ZNF507: variants seen among roughly 807,000 people sequenced by gnomAD.
ZNF507 encodes the protein zinc finger protein 507.
ZNF507 carries 29 observed loss-of-function variants against 80.0 expected under a neutral mutation model. That is an observed-to-expected ratio of 0.36 (90% confidence interval 0.27 to 0.49). The LOEUF is 0.49. Ranked by LOEUF, ZNF507 falls within the 20% of genes least tolerant of loss-of-function variation. The pLI is 0.98. For synonymous variants in ZNF507, 462 were observed against 422.5 expected (o/e 1.09, Z -1.15); for missense variants, 1,081 against 1,152.2 (o/e 0.94, Z 0.90).
chr19:32,355,132 C>A (rs2232511), intron 3 of ZNF507, among the ~76,000 whole-genome samples, 175 bp downstream of exon 3: 1 of 152,140 alleles, frequency 6.6e-6, no homozygotes, highest in East Asian at 1.9e-4. Context: ...TGGGACTGTT[C>A]AGAATTTCTG....
rs748984658 is a variant in ZNF507 at position 32,354,417 on chromosome 19, T to G, written c.1587T>G (p.Ser529Arg). 3 of 1,613,886 alleles carry G rather than the reference T, an allele frequency of 1.9e-6. No homozygotes were observed. Among genetic ancestry groups the G allele is most frequent in the Non-Finnish European group, 2.5e-6 (3 of 1,180,012 alleles). Residue 529 changes from serine to arginine, a missense_variant, in exon 3 of 7, where the codon AGT becomes AGG. Ser to Arg is a moderately radical substitution (Grantham distance 110, BLOSUM62 -1). This residue lies in a region of ZNF507 where 614 missense variants were observed against 583.9 expected (regional missense o/e 1.05). Coordinates refer to ENST00000355898, the MANE Select transcript of ZNF507 (RefSeq NM_001136156.2). The stretch of plus-strand genomic sequence containing the variant: ...TAAACCTTTTAGATCCAGATACTAG[T>G]CAAAGGCAAGTAGATAGTACATTGG... ...GDINLLDPDTSQRQVDSTLAA... is the reference protein window; with the variant it reads ...GDINLLDPDTRQRQVDSTLAA...
At chr19:32,347,990 T>C (rs1388592401) in intron 2 of ZNF507, among the ~76,000 whole-genome samples, 22 of 152,250 alleles carry the variant, frequency 1.4e-4, no homozygotes, top group Admixed American at 1.4e-3. Flanking sequence ...AAATAAATTG[T>C]AGCCAATATA....
In ZNF507 at chr19:32,353,594, A is replaced by G; in HGVS notation, c.764A>G (p.Tyr255Cys). The G allele has an allele frequency of 1.2e-6, 2 of 1,614,184 alleles. No homozygotes were observed. Among genetic ancestry groups the G allele is most frequent in the Non-Finnish European group, 1.7e-6 (2 of 1,180,026 alleles). Reference protein sequence around the residue: ...YGMYRCLFCSYTCGQQRMLKT... With the variant: ...YGMYRCLFCSCTCGQQRMLKT... Reference sequence around the variant, plus strand: ...ATGTATCGATGCTTGTTTTGTAGTTATACTTGTGGCCAGCAGAGAATGTTG... The same window carrying G: ...ATGTATCGATGCTTGTTTTGTAGTTGTACTTGTGGCCAGCAGAGAATGTTG... The change falls in exon 3 of 7, where the codon TAT becomes TGT. Residue 255 changes from tyrosine (Y) to cysteine (C), a missense_variant. Transcript: ENST00000355898.
intron 5 of ZNF507, among the ~76,000 whole-genome samples, chr19:32,366,512 ATGTG>A (rs752926614): frequency 6.6e-6 from 1 of 152,180 alleles, no homozygotes; most frequent in Non-Finnish European, 1.5e-5. Flanking sequence ...ACGTGTGTGT[ATGTG>A]TGTGTCTGTA....
At chr19:32,361,816 CCTTCCTTTCCTTTCTTCCTTTCCTTT>C (rs1363059401) in intron 5 of ZNF507, among the ~76,000 whole-genome samples, 1 of 140,496 alleles carries the variant, frequency 7.1e-6, no homozygotes, top group African/African-American at 2.6e-5. Context: ...TCGTTTCCTT[CCTTCCTTTCCTTTCTTCCTTTCCTTT>C]CTTCCTTTCC....
At chr19:32,348,100 G>C (rs1304422844) in intron 2 of ZNF507, among the ~76,000 whole-genome samples, 5 of 152,198 alleles carry the variant, frequency 3.3e-5, no homozygotes, top group Admixed American at 1.3e-4. Flanking sequence ...TCACCCTCTT[G>C]TTTTACATCT....
intron 5 of ZNF507, among the ~76,000 whole-genome samples, chr19:32,361,679 TTTCC>T (rs779714469): frequency 9.4e-5 from 2 of 21,302 alleles, no homozygotes; most frequent in African/African-American, 2.1e-4. Flanking sequence ...CCTTCCTTCC[TTTCC>T]TTCCTTCCTT....
chr19:32,346,993 A>G (rs1405075431), intron 1 of ZNF507, among the ~76,000 whole-genome samples: 5 of 152,248 alleles, frequency 3.3e-5, no homozygotes, highest in Non-Finnish European at 5.9e-5. Flanking sequence ...ATTCTGAGGT[A>G]AAACAAAATA....
intron 2 of ZNF507, among the ~76,000 whole-genome samples, chr19:32,350,996 T>C (rs1298884561): frequency 1.3e-5 from 2 of 152,182 alleles, no homozygotes; most frequent in Non-Finnish European, 2.9e-5. Context: ...TGTTCCCCCA[T>C]TGGTCTCCTC....
intron 4 of ZNF507, 74 bp downstream of exon 4, chr19:32,356,807 G>T (rs779909558): frequency 6.7e-6 from 8 of 1,186,794 alleles, no homozygotes; most frequent in Non-Finnish European, 1.0e-5. Flanking sequence ...TGTCATGGTT[G>T]GTTATTTTCA....
At position 32,354,561 on chromosome 19, in the gene ZNF507, G is replaced by T. The variant is rs758352551; in HGVS notation, c.1731G>T (p.Gly577=). Residue 577 remains glycine (G), a synonymous_variant, in exon 3 of 7, where the codon GGG becomes GGT. Coordinates refer to ENST00000355898, the MANE Select transcript of ZNF507 (RefSeq NM_001136156.2). ...AGGGTAGGCAGGAATTGTCAGATGG[G>T]CAGGTTAAGACAGGCATCAGCATGT... is the stretch of plus-strand genomic sequence containing the variant. ...LPEGRQELSD[G]QVKTGISMSL... is the part of the protein sequence containing the mutation. 2 of 1,614,114 alleles carry T rather than the reference G, an allele frequency of 1.2e-6. No individual in the cohort carries two copies. Among genetic ancestry groups the T allele is most frequent in the Middle Eastern group, 1.7e-4 (1 of 6,060 alleles).
Position 32,353,226 on chromosome 19 carries a change from T to A in ZNF507, c.396T>A (p.Phe132Leu), listed in dbSNP as rs1279249340. The A allele has an allele frequency of 6.2e-7, 1 of 1,614,252 alleles. No individual in the cohort carries two copies. The highest frequency in any genetic ancestry group is 8.5e-7 in the Non-Finnish European group (1 of 1,180,046). ...AMSYQCSLCK[F>L]LSSSFSVLKD... ...CTTATCAGTGTAGCCTTTGTAAGTTTCTATCATCATCCTTTTCCGTGTTAA... is the reference window on the plus strand; with the variant it reads ...CTTATCAGTGTAGCCTTTGTAAGTTACTATCATCATCCTTTTCCGTGTTAA... Residue 132 changes from phenylalanine (F) to leucine (L), a missense_variant, in exon 3 of 7, where the codon TTT (phenylalanine) becomes TTA (leucine). Phe to Leu is a conservative substitution (Grantham distance 22, BLOSUM62 0). Around this residue, in one of 6 missense-constraint regions of ZNF507, gnomAD observed 275 missense variants for 303.9 expected, o/e 0.90. Transcript: ENST00000355898.
chr19:32,375,435 T>A (rs1001596993), intron 5 of ZNF507, among the ~76,000 whole-genome samples: 2 of 152,194 alleles, frequency 1.3e-5, no homozygotes, highest in African/African-American at 4.8e-5. Context: ...CACCAGAAAG[T>A]CCTCAGTGTA....
intron 5 of ZNF507, among the ~76,000 whole-genome samples, chr19:32,365,262 A>G (rs1285526504): frequency 6.6e-6 from 1 of 152,104 alleles, no homozygotes; most frequent in Non-Finnish European, 1.5e-5. Flanking sequence ...AGATGTATAG[A>G]TTGTGAAGAT....
intron 5 of ZNF507, among the ~76,000 whole-genome samples, chr19:32,375,557 A>T (rs1019351460): frequency 7.2e-5 from 11 of 152,242 alleles, no homozygotes; most frequent in African/African-American, 2.7e-4. Flanking sequence ...AAAGAGACTT[A>T]AGAGACTTAC....
chr19:32,376,208 C>T (rs1967544264), intron 5 of ZNF507, among the ~76,000 whole-genome samples: 1 of 151,848 alleles, frequency 6.6e-6, no homozygotes, highest in African/African-American at 2.4e-5. Context: ...AAAAATAGAC[C>T]TCAAAATAAT....
In ZNF507 at chr19:32,356,670, A is replaced by G. The variant is rs1223604587; in HGVS notation, c.2182A>G (p.Ile728Val). 1 of 1,614,170 alleles carries G rather than the reference A, an allele frequency of 6.2e-7. No homozygotes were observed. Among genetic ancestry groups the G allele is most frequent in the East Asian group, 2.2e-5 (1 of 44,868 alleles). ...EQHSLPDTLS[I>V]ATSNEPRISS... is the part of the protein sequence containing the mutation. ...GCACAGTCTTCCAGATACCTTGTCA[A>G]TAGCAACTTCTAATGAGCCAAGAAT... The change falls in exon 4 of 7, where the codon ATA (isoleucine) becomes GTA (valine). Residue 728 changes from isoleucine (I) to valine (V), a missense_variant. By Grantham distance (29) the Ile-to-Val change is conservative. Coordinates refer to ENST00000355898, the MANE Select transcript of ZNF507 (RefSeq NM_001136156.2).
chr19:32,351,057 C>G (rs543996986), intron 2 of ZNF507, among the ~76,000 whole-genome samples: 11 of 152,324 alleles, frequency 7.2e-5, no homozygotes, highest in Admixed American at 6.5e-4. Flanking sequence ...TTTGTTCCTT[C>G]TACCTGAGAA....
intron 3 of ZNF507, among the ~76,000 whole-genome samples, chr19:32,355,340 A>AT (rs1967238443): frequency 6.6e-6 from 1 of 152,128 alleles, no homozygotes; most frequent in African/African-American, 2.4e-5. Flanking sequence ...AAAAATACAT[A>AT]TTTTTCATCT....
Sources: allele counts gnomAD v4.1 joint callset (sites outside exome capture counted in the v4.1 genomes callset), GRCh38; gene constraint gnomAD v4.1.1; regional missense constraint gnomAD v4.1.1; transcripts MANE v1.5; gene names NCBI Gene and HGNC (gene_info 2026-07-23, HGNC 2026-07-21).